Variants in ADGRF4 observed in about 807,000 individuals in gnomAD.
The protein encoded by ADGRF4 is adhesion G protein-coupled receptor F4.
In ADGRF4, 63 loss-of-function variants were observed where a neutral mutation model predicts 58.5. The ratio of observed to expected loss-of-function variants is 1.08; its 90% CI spans 0.88 to 1.33. The LOEUF (loss-of-function observed/expected upper bound fraction) is 1.33. Ranked by LOEUF, ADGRF4 falls within the 40% of genes most tolerant of loss-of-function variation. The pLI is 0.00. For missense variants in ADGRF4, 931 were observed against 843.9 expected, an observed-to-expected ratio of 1.10 and a Z score of -1.28; for synonymous variants, 313 against 295.4, an observed-to-expected ratio of 1.06 and a Z score of -0.61.
chr6:47,705,409 T>A (rs1771687223), intron 1 of ADGRF4, among the ~76,000 whole-genome samples: 1 of 152,244 alleles, frequency 6.6e-6, no homozygotes, highest in Non-Finnish European at 1.5e-5. Flanking sequence ...TGGAGACTTC[T>A]TTCTACCCAC....
chr6:47,715,263 T>C, intron 6 of ADGRF4, 86 bp downstream of exon 6: 2 of 968,050 alleles, frequency 2.1e-6, no homozygotes, highest in African/African-American at 1.6e-5. Flanking sequence ...TAACACAAAA[T>C]GTTCTCTCCA....
intron 1 of ADGRF4, among the ~76,000 whole-genome samples, chr6:47,704,689 A>T (rs1243187185): frequency 6.6e-6 from 1 of 152,214 alleles, no homozygotes; most frequent in Non-Finnish European, 1.5e-5. Flanking sequence ...GACAACTAGT[A>T]TTTGAGAGAA....
At chr6:47,709,262 A>G (rs957375651) in intron 3 of ADGRF4, among the ~76,000 whole-genome samples, 3 of 152,328 alleles carry the variant, frequency 2.0e-5, no homozygotes, top group Middle Eastern at 3.4e-3. Context: ...ATATTTCAAC[A>G]GCCTCGTTCT....
Position 47,713,947 on chromosome 6 carries a change from T to G in ADGRF4, c.702T>G (p.Ile234Met). 1 of 1,609,480 alleles carries G rather than the reference T, an allele frequency of 6.2e-7. No individual in the cohort carries two copies. The highest frequency in any genetic ancestry group is 8.5e-7 in the Non-Finnish European group (1 of 1,177,684). Residue 234 changes from isoleucine to methionine, a missense_variant, in exon 6 of 10, where the codon ATT (isoleucine) becomes ATG (methionine). Physicochemically the swap from Ile to Met is conservative, Grantham distance 10 (BLOSUM62 1). Coordinates refer to ENST00000283303, the MANE Select transcript of ADGRF4 (RefSeq NM_153838.5). ...QLHIHNNSENIVNELFIQTKG... is the reference protein window; with the variant it reads ...QLHIHNNSENMVNELFIQTKG... Reference sequence around the variant, plus strand: ...ACATCCACAATAATTCTGAGAACATTGTGAATGAACTCTTCATTCAGACAA... The same window carrying G: ...ACATCCACAATAATTCTGAGAACATGGTGAATGAACTCTTCATTCAGACAA...
chr6:47,708,735 G>C (rs188227384), intron 3 of ADGRF4, among the ~76,000 whole-genome samples: 2 of 152,292 alleles, frequency 1.3e-5, no homozygotes, highest in Admixed American at 1.3e-4. Flanking sequence ...GTAAACTAAG[G>C]GGGTAATCAC....
chr6:47,710,718 TC>T lies in ADGRF4; in HGVS notation c.149-16del. The T allele has an allele frequency of 6.6e-7, 1 of 1,521,532 alleles. No homozygotes were observed. Among genetic ancestry groups the T allele is most frequent in the South Asian group, 1.2e-5 (1 of 82,102 alleles). The allele number at this position is 1,521,532 out of a possible 1,614,324, so 94.3% of individuals were successfully genotyped here. A position where few individuals can be genotyped will look rare whatever the true frequency, so the allele number is the denominator to read the frequency against. On this transcript the variant is annotated splice_polypyrimidine_tract_variant and intron_variant, in intron 3 of 9. Transcript: ENST00000283303. ...TTGGGCTCCTGTCTCTCTCTCTTTC[TC>T]TTTTTTTCTTTATAGAGAAATGCGA...
chr6:47,715,999 T>A (rs2396832), intron 6 of ADGRF4, among the ~76,000 whole-genome samples: 37,663 of 150,324 alleles, frequency 0.25, 5,358 homozygotes, highest in East Asian at 0.56. Context: ...TTTTTTTTTT[T>A]ATCAAAGACT....
In ADGRF4 at chr6:47,714,362, G is replaced by A. The variant is rs771530266; in HGVS notation, c.1117G>A (p.Glu373Lys). Residue 373 changes from glutamate (E) to lysine (K), a missense_variant, in exon 6 of 10, where the codon GAA becomes AAA. Physicochemically the swap from Glu to Lys is moderately conservative, Grantham distance 56. Transcript: ENST00000283303. ...ACQMMLDIRN[E>K]VKCRCNYTSV... ...CCAAATGATGTTGGATATCAGGAACGAAGTGAAATGCCGCTGTAACTACAC... is the reference window on the plus strand; with the variant it reads ...CCAAATGATGTTGGATATCAGGAACAAAGTGAAATGCCGCTGTAACTACAC... The A allele has an allele frequency of 1.1e-5, 18 of 1,614,050 alleles. No homozygotes were observed. The South Asian group carries it at 1.4e-4, about 13-fold the overall frequency.
rs139646106 is a variant in ADGRF4, at chr6:47,720,380, G to A, written c.*4-829G>A. On this transcript the variant is annotated intron_variant, in intron 9 of 9. Coordinates refer to ENST00000283303, the MANE Select transcript of ADGRF4 (RefSeq NM_153838.5). ...AGGCTGACATGGTCTCAGGAGGTAG[G>A]CAGAATTCTGGGAAATGGGTCGAGA... 4.3e-3 allele frequency among the ~76,000 whole-genome samples: 659 copies of A among 152,282 alleles called. 3 individuals carry two copies. Among genetic ancestry groups the A allele is most frequent in the African/African-American group, 0.014 (575 of 41,564 alleles).
At position 47,710,899 on chromosome 6, in the gene ADGRF4, C is replaced by T. The variant is rs553575065; in HGVS notation, c.300+13C>T. ...AAAACTCTTTAAGGTGATGCATTCA[C>T]AAATTATTGGTGACAGAAGCCAATC... On this transcript the variant is annotated intron_variant, in intron 4 of 9. Transcript: ENST00000283303. The T allele has an allele frequency of 5.6e-6, 9 of 1,607,640 alleles. No individual in the cohort carries two copies. The highest frequency in any genetic ancestry group is 1.1e-5 in the South Asian group (1 of 89,744).
At chr6:47,707,151 G>A (rs1771729049) in intron 1 of ADGRF4, 79 bp from the exon 2 acceptor site, 4 of 811,608 alleles carry the variant, frequency 4.9e-6, no homozygotes, top group Non-Finnish European at 8.8e-6. Flanking sequence ...TTCACTAAGG[G>A]GTTGGTTAGC....
chr6:47,710,716 T>A lies in ADGRF4; in HGVS notation c.149-19T>A. ...AATTGGGCTCCTGTCTCTCTCTCTTTCTCTTTTTTTCTTTATAGAGAAATG... is the reference window on the plus strand; with the variant it reads ...AATTGGGCTCCTGTCTCTCTCTCTTACTCTTTTTTTCTTTATAGAGAAATG... On this transcript the variant is annotated intron_variant, in intron 3 of 9. Coordinates refer to ENST00000283303, the MANE Select transcript of ADGRF4 (RefSeq NM_153838.5). 6.6e-7 allele frequency: 1 copy of A among 1,522,474 alleles called. No individual in the cohort carries two copies. Among genetic ancestry groups the A allele is most frequent in the Non-Finnish European group, 8.8e-7 (1 of 1,138,916 alleles). 94.3% of individuals were successfully genotyped at this position (1,522,474 alleles called of 1,614,324 possible). A position where few individuals can be genotyped will look rare whatever the true frequency, so the allele number is the denominator to read the frequency against.
intron 9 of ADGRF4, 63 bp from the exon 10 acceptor site, chr6:47,721,146 C>T (rs1229576715): frequency 5.9e-5 from 9 of 152,196 alleles, no homozygotes; most frequent in South Asian, 4.1e-4. Flanking sequence ...TGAGCTAACA[C>T]GTTAAAAACC....
rs1581692055 is a variant in ADGRF4 at position 47,707,269 on chromosome 6, C to A, written c.24C>A (p.Thr8=). The A allele has an allele frequency of 1.9e-6, 3 of 1,612,740 alleles. No homozygotes were observed. Among genetic ancestry groups the A allele is most frequent in the Non-Finnish European group, 2.5e-6 (3 of 1,178,754 alleles). MKMKSQA[T]MICCLVFFLS... is the part of the protein sequence containing the mutation. The stretch of plus-strand genomic sequence containing the variant: ...GTATGAAAATGAAGTCCCAGGCAAC[C>A]ATGATTTGCTGCTTAGTGTTCTTTC... The change falls in exon 2 of 10, where the codon ACC becomes ACA. Residue 8 remains threonine (T), a synonymous_variant. Transcript: ENST00000283303.
intron 1 of ADGRF4, among the ~76,000 whole-genome samples, chr6:47,700,181 T>C (rs1440881615): frequency 6.6e-6 from 1 of 152,108 alleles, no homozygotes; most frequent in African/African-American, 2.4e-5. Context: ...CACCTTAGGG[T>C]GTTTTGCATG....
intron 6 of ADGRF4, among the ~76,000 whole-genome samples, chr6:47,716,336 T>C (rs1296083826): frequency 1.3e-5 from 2 of 152,198 alleles, no homozygotes; most frequent in Non-Finnish European, 2.9e-5. Flanking sequence ...GAAATGTTTT[T>C]TTTTTCCACC....
intron 4 of ADGRF4, 69 bp from the exon 5 acceptor site, chr6:47,712,288 A>G (rs1771889547): frequency 6.7e-7 from 1 of 1,498,608 alleles, no homozygotes; most frequent in Non-Finnish European, 9.2e-7. Flanking sequence ...ATTGTGCTTT[A>G]ACTCCTTTAG....
At chr6:47,700,641 C>T (rs983050366) in intron 1 of ADGRF4, among the ~76,000 whole-genome samples, 1 of 152,110 alleles carries the variant, frequency 6.6e-6, no homozygotes, top group Non-Finnish European at 1.5e-5. Context: ...ATTTCCTGCT[C>T]AATTCTTTTT....
chr6:47,712,653 T>G (rs773861495), intron 5 of ADGRF4, 45 bp downstream of exon 5: 1 of 1,442,138 alleles, frequency 6.9e-7, no homozygotes, highest in Non-Finnish European at 9.6e-7. Context: ...TCTTAAAATT[T>G]TCATTTGAAT....
Sources: allele counts gnomAD v4.1 joint callset (sites outside exome capture counted in the v4.1 genomes callset), GRCh38; gene constraint gnomAD v4.1.1; transcripts MANE v1.5; gene names NCBI Gene and HGNC (gene_info 2026-07-23, HGNC 2026-07-21).